TMCC1: variants seen among roughly 807,000 people sequenced by gnomAD.
TMCC1 encodes the protein transmembrane and coiled-coil domain family 1.
In TMCC1, 15 loss-of-function variants were observed where a neutral mutation model predicts 52.4. That is an observed-to-expected ratio of 0.29 (90% CI 0.19 to 0.44). TMCC1 has a LOEUF of 0.44. Among genes scored for constraint, TMCC1 ranks in the 20% least tolerant of loss-of-function variants. The pLI is 1.00. For missense variants in TMCC1, 503 were observed against 806.0 expected (o/e 0.62, Z 4.55); for synonymous variants, 279 against 301.9 (o/e 0.92, Z 0.79).
intron 2 of TMCC1, among the ~76,000 whole-genome samples, chr3:129,860,159 T>C (rs1367425987): frequency 6.6e-6 from 1 of 152,210 alleles, no homozygotes; most frequent in African/African-American, 2.4e-5. Flanking sequence ...AACTACTCCT[T>C]ACTAAGAACC....
rs150155868 is a variant in TMCC1 at position 129,806,294 on chromosome 3, G to T, written c.576+21509C>A. Among the ~76,000 whole-genome samples, 8 of 152,296 alleles carry T rather than the reference G, an allele frequency of 5.3e-5. No homozygotes were observed. The East Asian group carries it at 1.4e-3, about 26-fold the overall frequency. On this transcript the variant is annotated intron_variant, in intron 4 of 6. Transcript: ENST00000393238. ...GGAGAGGAGACAGCAATAGATAAAA[G>T]ATTCCAATAAAATTATGAAAGATGA... is the stretch of plus-strand genomic sequence containing the variant.
chr3:129,844,874 T>C (rs934396988), intron 2 of TMCC1, among the ~76,000 whole-genome samples: 8 of 152,174 alleles, frequency 5.3e-5, no homozygotes, highest in African/African-American at 1.9e-4. Context: ...CTGTTCCTTT[T>C]TGAAAATAAA....
intron 4 of TMCC1, among the ~76,000 whole-genome samples, chr3:129,769,588 T>C (rs912882464): frequency 6.6e-6 from 1 of 151,518 alleles, no homozygotes; most frequent in African/African-American, 2.4e-5. Context: ...TAGCTATCGT[T>C]AGTGTATTTT....
chr3:129,737,495 G>A (rs1444278465), intron 4 of TMCC1, among the ~76,000 whole-genome samples: 2 of 150,398 alleles, frequency 1.3e-5, no homozygotes, highest in Non-Finnish European at 3.0e-5. Context: ...AAAAAAAAAA[G>A]AGGCTTGACG....
At chr3:129,783,163 A>G (rs1331557057) in intron 4 of TMCC1, among the ~76,000 whole-genome samples, 2 of 152,246 alleles carry the variant, frequency 1.3e-5, no homozygotes, top group East Asian at 3.8e-4. Context: ...TACTCTCTTC[A>G]GATGAATGAC....
At chr3:129,685,716 A>G (rs897842604) in intron 4 of TMCC1, among the ~76,000 whole-genome samples, 7 of 152,222 alleles carry the variant, frequency 4.6e-5, no homozygotes, top group Non-Finnish European at 7.3e-5. Flanking sequence ...CAATGATAAG[A>G]GCAGTACGAT....
intron 3 of TMCC1, among the ~76,000 whole-genome samples, chr3:129,831,289 C>T (rs1443477222): frequency 4.6e-5 from 7 of 152,130 alleles, no homozygotes; most frequent in Admixed American, 1.3e-4. Flanking sequence ...GAAATGTTAG[C>T]ATTTCCTGGG....
rs372755125 is a variant in TMCC1, at chr3:129,812,813, A to G, written c.576+14990T>C. Among the ~76,000 whole-genome samples the G allele has an allele frequency of 3.9e-5, 6 of 152,328 alleles. No individual in the cohort carries two copies. In the South Asian group the frequency reaches 1.2e-3, roughly 32 times the overall value. On this transcript the variant is annotated intron_variant, in intron 4 of 6. Coordinates refer to ENST00000393238, the MANE Select transcript of TMCC1 (RefSeq NM_001017395.5). ...AAAAGCGATTGCAACAAAACCAAAA[A>G]TAAACAAATGGGACCCAATGAAACT...
At position 129,651,580 on chromosome 3, in the gene TMCC1, C is replaced by T. The variant is rs776331708; in HGVS notation, c.1863G>A (p.Thr621=). ...VVPLMKTRNR[T]FSTLFLVVFI... ...AAACCACAAGGAATAAAGTGCTGAA[C>T]GTCCTGTTGCGAGTCTTCATGAGGG... Residue 621 remains threonine (T), a synonymous_variant, in exon 7 of 7, where the codon ACG becomes ACA. Transcript: ENST00000393238. The surrounding 1 kb of genome is among the most constrained non-coding windows in gnomAD (Gnocchi z 5.1). The T allele has an allele frequency of 9.9e-6, 16 of 1,614,106 alleles. No individual in the cohort carries two copies. The highest frequency in any genetic ancestry group is 2.2e-5 in the South Asian group (2 of 91,090).
intron 4 of TMCC1, among the ~76,000 whole-genome samples, chr3:129,744,002 T>C (rs543985560): frequency 6.6e-6 from 1 of 152,296 alleles, no homozygotes; most frequent in Non-Finnish European, 1.5e-5. Flanking sequence ...AAAGCCTCTT[T>C]AATTTCAGTG....
chr3:129,760,207 T>A (rs1202823837), intron 4 of TMCC1, among the ~76,000 whole-genome samples: 1 of 151,988 alleles, frequency 6.6e-6, no homozygotes, highest in Non-Finnish European at 1.5e-5. Flanking sequence ...GACATATTAA[T>A]TCTTTGTTTT....
chr3:129,765,492 T>C (rs1383839773), intron 4 of TMCC1, among the ~76,000 whole-genome samples: 2 of 152,212 alleles, frequency 1.3e-5, no homozygotes, highest in Non-Finnish European at 2.9e-5. Flanking sequence ...CCAAGCTTAT[T>C]AGAATTATAG....
chr3:129,674,722 C>A (rs1172854940), intron 4 of TMCC1, among the ~76,000 whole-genome samples: 1 of 152,192 alleles, frequency 6.6e-6, no homozygotes, highest in Non-Finnish European at 1.5e-5. Flanking sequence ...ATGCTCTAGG[C>A]ATTAATACTT....
intron 4 of TMCC1, among the ~76,000 whole-genome samples, chr3:129,820,280 G>A (rs1159424188): frequency 3.3e-5 from 5 of 151,542 alleles, no homozygotes. Flanking sequence ...AATAGAGATA[G>A]TAATACTTCA....
intron 4 of TMCC1, among the ~76,000 whole-genome samples, chr3:129,751,879 C>T (rs1259357309): frequency 6.6e-6 from 1 of 152,144 alleles, no homozygotes; most frequent in Middle Eastern, 3.2e-3. Flanking sequence ...TCTTTTCTAT[C>T]TTCAACATTC....
intron 4 of TMCC1, among the ~76,000 whole-genome samples, chr3:129,782,082 C>CT (rs2055581583): frequency 6.6e-6 from 1 of 151,990 alleles, no homozygotes; most frequent in South Asian, 2.1e-4. Context: ...GTTTTGGATA[C>CT]TTTGAGTTTG....
chr3:129,861,518 G>A (rs570891586), intron 2 of TMCC1, among the ~76,000 whole-genome samples: 1 of 152,118 alleles, frequency 6.6e-6, no homozygotes, highest in Non-Finnish European at 1.5e-5. Context: ...GTTAAAACAA[G>A]ACTTTAAATA....
At chr3:129,738,787 C>A (rs1314647212) in intron 4 of TMCC1, among the ~76,000 whole-genome samples, 2 of 152,092 alleles carry the variant, frequency 1.3e-5, no homozygotes, top group African/African-American at 4.8e-5. Context: ...TACACATGGA[C>A]TTTTATATAA....
intron 4 of TMCC1, among the ~76,000 whole-genome samples, chr3:129,772,735 A>C (rs1247998595): frequency 1.3e-5 from 2 of 151,558 alleles, no homozygotes; most frequent in African/African-American, 2.4e-5. Flanking sequence ...AAAAAAAAAA[A>C]AAAAAAAAAC....
Sources: gnomAD v4.1 joint callset for allele counts (sites outside exome capture counted in the v4.1 genomes callset) on GRCh38, gnomAD v4.1.1 for gene constraint, Gnocchi (gnomAD v3.1) non-coding constraint, MANE v1.5 for transcripts, NCBI Gene and HGNC (gene_info 2026-07-23, HGNC 2026-07-21) for gene names.